MAMDC2: variants seen among roughly 807,000 people sequenced by gnomAD.
MAMDC2 encodes MAM domain containing 2.
In MAMDC2, 57 loss-of-function variants were observed where a neutral mutation model predicts 89.8. The ratio of observed to expected loss-of-function variants is 0.63; its 90% CI spans 0.51 to 0.79. The LOEUF (loss-of-function observed/expected upper bound fraction) is 0.79, where lower values mean the gene tolerates loss of function less well. Among genes scored for constraint, MAMDC2 ranks in the 30% least tolerant of loss-of-function variants. The probability of loss-of-function intolerance (pLI) is 0.00; values close to 1 mark genes in which losing one functional copy is unlikely to be tolerated. For synonymous variants in MAMDC2, 313 were observed against 293.4 expected, an observed-to-expected ratio of 1.07 and a Z score of -0.68; for missense variants, 800 against 820.6, an observed-to-expected ratio of 0.97 and a Z score of 0.31.
intron 9 of MAMDC2, chr9:70,154,142 A>T (rs1464857276): frequency 2.6e-5 from 4 of 152,230 alleles, no homozygotes; most frequent in Non-Finnish European, 5.9e-5. Context: ...TTGAAATTGT[A>T]CTTACCTGTC....
intron 11 of MAMDC2, among the ~76,000 whole-genome samples, chr9:70,209,643 G>A (rs1006161544): frequency 9.9e-5 from 15 of 151,702 alleles, no homozygotes; most frequent in African/African-American, 2.4e-4. Context: ...TTTCAGTTCC[G>A]CTCTGATCTT....
At chr9:70,049,123 A>G (rs1826828980) in intron 2 of MAMDC2, among the ~76,000 whole-genome samples, 1 of 152,154 alleles carries the variant, frequency 6.6e-6, no homozygotes, top group Admixed American at 6.5e-5. Flanking sequence ...ATCGCCTAAT[A>G]CAGAAAAAGG....
rs1215738162 is a variant in MAMDC2 at position 70,221,356 on chromosome 9, A to AATATATAT, written c.1911+2778_1911+2785dup. ...AAAAAAAAAAGCAAGCCAAACAACA[A>AATATATAT]ATATATATATATATATATATATATA... On this transcript the variant is annotated intron_variant, in intron 12 of 13. Coordinates refer to ENST00000377182, the MANE Select transcript of MAMDC2 (RefSeq NM_153267.5). Among the ~76,000 whole-genome samples the AATATATAT allele has an allele frequency of 7.9e-3, 74 of 9,382 alleles. 14 individuals carry two copies. Among genetic ancestry groups the AATATATAT allele is most frequent in the Non-Finnish European group, 0.012 (61 of 4,900 alleles). The allele number at this position is 9,382 out of a possible 152,430, so 6.2% of individuals were successfully genotyped here. A position where few individuals can be genotyped will look rare whatever the true frequency, so the allele number is the denominator to read the frequency against.
intron 9 of MAMDC2, chr9:70,153,363 T>C (rs960260464): frequency 1.3e-5 from 2 of 152,198 alleles, no homozygotes; most frequent in Admixed American, 1.3e-4. Context: ...TAGAGAGTGA[T>C]TGTCAGAAAT....
chr9:70,125,910 T>C (rs2030515717), intron 5 of MAMDC2, among the ~76,000 whole-genome samples: 1 of 152,140 alleles, frequency 6.6e-6, no homozygotes, highest in African/African-American at 2.4e-5. Context: ...GAATCAAAAG[T>C]AAGGAAAGTA....
chr9:70,202,603 GT>G (rs1251614154), intron 11 of MAMDC2, among the ~76,000 whole-genome samples: 7 of 146,166 alleles, frequency 4.8e-5, no homozygotes, highest in Non-Finnish European at 1.1e-4. Context: ...CAATTCCTGG[GT>G]ATCCTTGTTG....
At chr9:70,200,278 A>G (rs1318907766) in intron 11 of MAMDC2, among the ~76,000 whole-genome samples, 3 of 150,852 alleles carry the variant, frequency 2.0e-5, no homozygotes, top group Non-Finnish European at 3.0e-5. Context: ...ATGGCTAGCC[A>G]GTTTTCCCAG....
intron 11 of MAMDC2, among the ~76,000 whole-genome samples, chr9:70,190,475 G>C (rs1003359434): frequency 6.6e-6 from 1 of 151,938 alleles, no homozygotes; most frequent in African/African-American, 2.4e-5. Flanking sequence ...CTAGCGGGAA[G>C]TTTACAACTT....
chr9:70,163,581 A>T (rs2032059865), intron 9 of MAMDC2, among the ~76,000 whole-genome samples: 1 of 152,106 alleles, frequency 6.6e-6, no homozygotes. Context: ...GGAAGAGAAA[A>T]CTAAATCTAG....
At chr9:70,223,562 T>C (rs142481590) in intron 12 of MAMDC2, among the ~76,000 whole-genome samples, 19 of 152,296 alleles carry the variant, frequency 1.2e-4, no homozygotes, top group African/African-American at 3.8e-4. Flanking sequence ...TGTTAAAACT[T>C]TGAATGACAT....
chr9:70,084,291 C>T (rs765944316), intron 2 of MAMDC2, among the ~76,000 whole-genome samples: 1 of 152,010 alleles, frequency 6.6e-6, no homozygotes, highest in Non-Finnish European at 1.5e-5. Context: ...GAATTGTCAC[C>T]CAGACAGCTC....
intron 11 of MAMDC2, among the ~76,000 whole-genome samples, chr9:70,204,170 T>TC (rs1207046874): frequency 6.7e-6 from 1 of 150,108 alleles, no homozygotes; most frequent in African/African-American, 2.4e-5. Context: ...TTCTGTTTTT[T>TC]CCCCATCTTT....
chr9:70,080,443 T>C (rs1011466454), intron 2 of MAMDC2, among the ~76,000 whole-genome samples: 1 of 152,258 alleles, frequency 6.6e-6, no homozygotes, highest in African/African-American at 2.4e-5. Context: ...CTCATTATTT[T>C]AAATAGTTGC....
intron 2 of MAMDC2, among the ~76,000 whole-genome samples, chr9:70,094,329 A>G (rs940524176): frequency 3.9e-5 from 6 of 152,224 alleles, no homozygotes; most frequent in Non-Finnish European, 7.3e-5. Context: ...TGATAAAACT[A>G]TAGCTCTCTT....
At chr9:70,089,782 G>A (rs953972030) in intron 2 of MAMDC2, among the ~76,000 whole-genome samples, 8 of 152,174 alleles carry the variant, frequency 5.3e-5, no homozygotes, top group African/African-American at 1.9e-4. Context: ...TAGGACTGCA[G>A]TGATTACTTA....
rs989166945 is a variant in MAMDC2, at chr9:70,143,792, C to T, written c.1377C>T (p.Ile459=). 11 of 1,614,164 alleles carry T rather than the reference C, an allele frequency of 6.8e-6. No homozygotes were observed. The East Asian group carries it at 2.5e-4, about 36-fold the overall frequency. The change falls in exon 9 of 14, where the codon ATC becomes ATT. Residue 459 remains isoleucine (I), a synonymous_variant. Transcript: ENST00000377182. The part of the protein sequence containing the change: ...SPRGVWMQAE[I]TFKKPMPTKV... Reference sequence around the variant, plus strand: ...GGGGTGTTTGGATGCAAGCTGAAATCACCTTTAAGAAGCCCATGCCTACCA... The same window carrying T: ...GGGGTGTTTGGATGCAAGCTGAAATTACCTTTAAGAAGCCCATGCCTACCA...
intron 10 of MAMDC2, 119 bp downstream of exon 10, chr9:70,168,914 T>C (rs529146073): frequency 1.5e-5 from 12 of 815,158 alleles, no homozygotes; most frequent in Non-Finnish European, 1.8e-5. Flanking sequence ...GTTGACAAAG[T>C]GTCTCCTGCA....
intron 2 of MAMDC2, among the ~76,000 whole-genome samples, chr9:70,101,816 G>A (rs1828205190): frequency 6.6e-6 from 1 of 152,120 alleles, no homozygotes; most frequent in Non-Finnish European, 1.5e-5. Flanking sequence ...CATTTTATCA[G>A]GTTCTCACAA....
chr9:70,219,461 T>C (rs905537655), intron 12 of MAMDC2, among the ~76,000 whole-genome samples: 2 of 152,248 alleles, frequency 1.3e-5, no homozygotes, highest in Non-Finnish European at 2.9e-5. Flanking sequence ...CTCTGCGTCT[T>C]TAACCACTGG....
Sources: gnomAD v4.1 joint callset for allele counts (sites outside exome capture counted in the v4.1 genomes callset) on GRCh38, gnomAD v4.1.1 for gene constraint, MANE v1.5 for transcripts, NCBI Gene and HGNC (gene_info 2026-07-23, HGNC 2026-07-21) for gene names.